ATP8A2: variants seen among roughly 807,000 people sequenced by gnomAD.
ATP8A2 encodes phospholipid-transporting ATPase IB.
ATP8A2 carries 100 observed loss-of-function variants against 165.6 expected under a neutral mutation model. That is an observed-to-expected ratio of 0.60 (90% CI 0.51 to 0.71). ATP8A2 has a LOEUF of 0.71. ATP8A2 is among the 30% of genes least tolerant of loss of function. The pLI, the probability that ATP8A2 is intolerant of heterozygous loss-of-function variation, is 0.00. For synonymous variants in ATP8A2, 543 were observed against 548.8 expected, an observed-to-expected ratio of 0.99 and a Z score of 0.15; for missense variants, 1,227 against 1,479.5, an observed-to-expected ratio of 0.83 and a Z score of 2.80.
intron 1 of ATP8A2, among the ~76,000 whole-genome samples, chr13:25,439,027 A>G (rs1342596715): frequency 6.6e-6 from 1 of 152,234 alleles, no homozygotes; most frequent in Non-Finnish European, 1.5e-5. Flanking sequence ...ATTAGAGGAG[A>G]TAAATTCTGC....
intron 25 of ATP8A2, among the ~76,000 whole-genome samples, chr13:25,703,016 T>C (rs1395982808): frequency 6.6e-6 from 1 of 152,164 alleles, no homozygotes; most frequent in Non-Finnish European, 1.5e-5. Context: ...ATTCATCTTA[T>C]ACATTAGTGA....
intron 33 of ATP8A2, among the ~76,000 whole-genome samples, chr13:25,899,648 G>A (rs1953674440): frequency 1.3e-5 from 2 of 152,136 alleles, no homozygotes; most frequent in Non-Finnish European, 2.9e-5. Flanking sequence ...AGCATGGTGT[G>A]TTCTGAGGAC....
In ATP8A2 at chr13:25,477,392, C is replaced by T. The variant is rs190005093; in HGVS notation, c.221+8271C>T. On this transcript the variant is annotated intron_variant, in intron 2 of 36. Coordinates refer to ENST00000381655, the MANE Select transcript of ATP8A2 (RefSeq NM_016529.6). ...TTTGTGAGACAAATTAAAACTCAAC[C>T]AGAATTGGAAGAGACCCAAGACGTG... Among the ~76,000 whole-genome samples, 140 of 152,258 alleles carry T rather than the reference C, an allele frequency of 9.2e-4. 1 individual carries two copies. Among genetic ancestry groups the T allele is most frequent in the Non-Finnish European group, 4.1e-4 (28 of 68,010 alleles).
chr13:25,796,522 C>T lies in ATP8A2; in HGVS notation c.2679+21563C>T, dbSNP rs371881394. The stretch of plus-strand genomic sequence containing the variant: ...TAATGAAGGAATGTCCAAGCTGGTT[C>T]CCCAGATGCTGAAATTAGATGGGGA... On this transcript the variant is annotated intron_variant, in intron 27 of 36. Transcript: ENST00000381655. Among the ~76,000 whole-genome samples the T allele has an allele frequency of 8.0e-4, 122 of 152,278 alleles. 1 individual carries two copies. The highest frequency in any genetic ancestry group is 3.1e-3 in the South Asian group (15 of 4,828).
At chr13:25,648,092 A>C (rs1419277946) in intron 24 of ATP8A2, among the ~76,000 whole-genome samples, 1 of 151,898 alleles carries the variant, frequency 6.6e-6, no homozygotes, top group Non-Finnish European at 1.5e-5. Context: ...CATAATTTTC[A>C]TAGTCTTTCT....
Position 25,541,974 on chromosome 13 carries a change from G to T in ATP8A2, c.707G>T (p.Gly236Val). ...CGTGAAGTTCTGATGAAGTTATCTG[G>T]AACTATAGAGTGTGAAGGGCCCAAC... ...QTREVLMKLS[G>V]TIECEGPNRH... The change falls in exon 9 of 37, where the codon GGA becomes GTA. Residue 236 changes from glycine to valine, a missense_variant. Gly to Val is a moderately radical substitution (Grantham distance 109, BLOSUM62 -3). Around this residue, in one of 5 missense-constraint regions of ATP8A2, gnomAD observed 356 missense variants for 394.9 expected, o/e 0.90. Coordinates refer to ENST00000381655, the MANE Select transcript of ATP8A2 (RefSeq NM_016529.6). 1 of 1,614,070 alleles carries T rather than the reference G, an allele frequency of 6.2e-7. No individual in the cohort carries two copies. Among genetic ancestry groups the T allele is most frequent in the Middle Eastern group, 1.6e-4 (1 of 6,062 alleles).
At chr13:25,609,519 A>AAT (rs71077489) in intron 24 of ATP8A2, among the ~76,000 whole-genome samples, 7,941 of 35,928 alleles carry the variant, frequency 0.22, 521 homozygotes, top group Admixed American at 0.37. Flanking sequence ...AAGGATTCCA[A>AAT]ATATATATAT....
intron 25 of ATP8A2, among the ~76,000 whole-genome samples, chr13:25,701,586 A>G (rs867685340): frequency 1.3e-5 from 2 of 152,182 alleles, no homozygotes; most frequent in African/African-American, 4.8e-5. Flanking sequence ...ACTGTAACCC[A>G]ATGCAAACAC....
rs376275477 is a variant in ATP8A2 at position 25,523,827 on chromosome 13, G to C, written c.222-6172G>C. On this transcript the variant is annotated intron_variant, in intron 2 of 36. Transcript: ENST00000381655. ...CAAAAATTCAAGTTTTTGTTTCATT[G>C]ATCTTTTGTACTTTTTTTAGTCTCA... is the stretch of plus-strand genomic sequence containing the variant. Among the ~76,000 whole-genome samples, 5 of 151,874 alleles carry C rather than the reference G, an allele frequency of 3.3e-5. No individual in the cohort carries two copies. The South Asian group carries it at 6.2e-4, about 19-fold the overall frequency.
intron 10 of ATP8A2, 63 bp from the exon 11 acceptor site, chr13:25,551,275 C>G (rs2038813107): frequency 7.4e-6 from 11 of 1,492,282 alleles, no homozygotes; most frequent in Middle Eastern, 2.0e-4. Context: ...TACCTCCTTT[C>G]CCCCAACCCC....
At chr13:25,428,724 A>G (rs751747538) in intron 1 of ATP8A2, among the ~76,000 whole-genome samples, 2 of 152,184 alleles carry the variant, frequency 1.3e-5, no homozygotes, top group Non-Finnish European at 2.9e-5. Flanking sequence ...TCAGCCTTAC[A>G]TGTTGCTCAT....
chr13:25,961,263 G>A (rs1955652596), intron 33 of ATP8A2, among the ~76,000 whole-genome samples: 1 of 152,150 alleles, frequency 6.6e-6, no homozygotes, highest in Admixed American at 6.5e-5. Flanking sequence ...AAGCAGTGTT[G>A]GTGACTCCAA....
chr13:25,865,389 T>C (rs904624811), intron 33 of ATP8A2, among the ~76,000 whole-genome samples: 8 of 152,194 alleles, frequency 5.3e-5, no homozygotes, highest in Admixed American at 1.3e-4. Context: ...ATTAAACTAG[T>C]GCCTAATAGC....
intron 30 of ATP8A2, 64 bp from the exon 31 acceptor site, chr13:25,860,131 C>A: frequency 9.4e-6 from 10 of 1,064,574 alleles, no homozygotes; most frequent in South Asian, 1.3e-5. Context: ...GTTTAATGCT[C>A]TGAGTTAAAT....
intron 35 of ATP8A2, among the ~76,000 whole-genome samples, chr13:25,988,202 C>A (rs1956307755): frequency 2.6e-5 from 4 of 152,256 alleles, no homozygotes; most frequent in Non-Finnish European, 5.9e-5. Context: ...GCATGCATGC[C>A]AGCCTCAGCC....
At chr13:25,630,199 A>C (rs1158254536) in intron 24 of ATP8A2, among the ~76,000 whole-genome samples, 1 of 152,200 alleles carries the variant, frequency 6.6e-6, no homozygotes, top group East Asian at 1.9e-4. Context: ...ACCCAAAGCT[A>C]GGTGGTACAG....
intron 35 of ATP8A2, among the ~76,000 whole-genome samples, chr13:25,974,288 G>A (rs1033674141): frequency 2.6e-5 from 4 of 152,234 alleles, no homozygotes; most frequent in Admixed American, 6.5e-5. Flanking sequence ...TGCATAACAA[G>A]TACATTTCAC....
At chr13:25,647,500 T>A (rs190351283) in intron 24 of ATP8A2, among the ~76,000 whole-genome samples, 1 of 152,318 alleles carries the variant, frequency 6.6e-6, no homozygotes, top group East Asian at 1.9e-4. Flanking sequence ...AATGTATTTC[T>A]TATCTCTTGC....
chr13:25,851,298 T>C (rs1952000540), intron 30 of ATP8A2, among the ~76,000 whole-genome samples: 1 of 152,208 alleles, frequency 6.6e-6, no homozygotes, highest in South Asian at 2.1e-4. Flanking sequence ...TAATGCATTG[T>C]CAGCCGGATG....
Sources: gnomAD v4.1 joint callset for allele counts (sites outside exome capture counted in the v4.1 genomes callset) on GRCh38, gnomAD v4.1.1 for gene constraint, gnomAD v4.1.1 regional missense constraint, MANE v1.5 for transcripts, NCBI Gene and HGNC (gene_info 2026-07-23, HGNC 2026-07-21) for gene names.